The following MSRB3 variants were observed in gnomAD, a reference collection of about 807,000 sequenced individuals.
The protein encoded by MSRB3 is methionine-R-sulfoxide reductase B3.
Under a neutral mutation model 21.0 loss-of-function variants are expected in MSRB3, and 13 were observed. The ratio of observed to expected loss-of-function variants is 0.62; its 90% confidence interval spans 0.40 to 0.98. The LOEUF is 0.98. MSRB3 is among the 50% of genes least tolerant of loss of function. The pLI is 0.00. For missense variants in MSRB3, 199 were observed against 230.3 expected (o/e 0.86, Z 0.88); for synonymous variants, 87 against 88.6 (o/e 0.98, Z 0.10).
chr12:65,308,834 A>G (rs891990652), intron 2 of MSRB3, 179 bp downstream of exon 2: 3 of 772,952 alleles, frequency 3.9e-6, no homozygotes, highest in African/African-American at 1.7e-5. Flanking sequence ...CATTTCCACA[A>G]TCCTTACAAC....
chr12:65,292,602 G>A (rs923268470), intron 1 of MSRB3, among the ~76,000 whole-genome samples: 3 of 151,910 alleles, frequency 2.0e-5, no homozygotes, highest in Non-Finnish European at 4.4e-5. Flanking sequence ...TTCTCATTTA[G>A]TACACTTTCT....
At chr12:65,357,475 T>A (rs1359396709) in intron 4 of MSRB3, among the ~76,000 whole-genome samples, 1 of 152,046 alleles carries the variant, frequency 6.6e-6, no homozygotes, top group Non-Finnish European at 1.5e-5. Context: ...CCTATTAACA[T>A]CTTACATTAG....
At chr12:65,325,315 A>G (rs1312731469) in intron 2 of MSRB3, among the ~76,000 whole-genome samples, 1 of 152,224 alleles carries the variant, frequency 6.6e-6, no homozygotes, top group Non-Finnish European at 1.5e-5. Flanking sequence ...AGAGATCAAC[A>G]TGCCATTAGT....
intron 4 of MSRB3, among the ~76,000 whole-genome samples, chr12:65,348,369 G>T (rs575354281): frequency 1.1e-4 from 17 of 152,286 alleles, no homozygotes; most frequent in African/African-American, 3.4e-4. Context: ...TAGTTTATTT[G>T]CATAGAGGTG....
At position 65,335,114 on chromosome 12, in the gene MSRB3, G is replaced by A. The variant is rs144417019; in HGVS notation, c.263+6511G>A. Among the ~76,000 whole-genome samples the A allele has an allele frequency of 5.0e-3, 765 of 152,254 alleles. 4 individuals carry two copies. The highest frequency in any genetic ancestry group is 0.017 in the African/African-American group (686 of 41,552). Reference sequence around the variant, plus strand: ...ATGTGTGATCTCAGATTCATCACCTGTAAAATGGGGTAAATAACACCAAAC... The same window carrying A: ...ATGTGTGATCTCAGATTCATCACCTATAAAATGGGGTAAATAACACCAAAC... On this transcript the variant is annotated intron_variant, in intron 4 of 6. Coordinates refer to ENST00000308259, the MANE Select transcript of MSRB3 (RefSeq NM_001031679.3).
rs1050256294 is a variant in MSRB3 at position 65,278,993 on chromosome 12, G to A, written c.-52+128G>A. ...GCTGCGCCCCCTCGGCCACCTGCGG[G>A]GACAGCCCCTGCCTCAGCCGAGAAG... On this transcript the variant is annotated intron_variant, in intron 1 of 6. Transcript: ENST00000308259. 19 of 1,488,474 alleles carry A rather than the reference G, an allele frequency of 1.3e-5. No homozygotes were observed. The African/African-American group carries it at 1.8e-4, about 14-fold the overall frequency. The allele number at this position is 1,488,474 out of a possible 1,614,324, so 92.2% of individuals were successfully genotyped here.
chr12:65,333,675 A>G (rs1010098027), intron 4 of MSRB3, among the ~76,000 whole-genome samples: 3 of 152,202 alleles, frequency 2.0e-5, no homozygotes, highest in Non-Finnish European at 4.4e-5. Flanking sequence ...ATAAAGCCCT[A>G]TCTGATCCTT....
intron 5 of MSRB3, among the ~76,000 whole-genome samples, chr12:65,393,835 G>C (rs934997617): frequency 2.0e-5 from 3 of 151,824 alleles, no homozygotes; most frequent in African/African-American, 7.2e-5. Context: ...TTGATGTGTG[G>C]GTATGGATGT....
intron 5 of MSRB3, among the ~76,000 whole-genome samples, chr12:65,396,258 A>T (rs1228889293): frequency 1.3e-5 from 2 of 152,176 alleles, no homozygotes; most frequent in Non-Finnish European, 2.9e-5. Flanking sequence ...TCTTTGATCC[A>T]TGTGCCATTT....
At chr12:65,372,537 C>G (rs1213831503) in intron 5 of MSRB3, among the ~76,000 whole-genome samples, 2 of 152,100 alleles carry the variant, frequency 1.3e-5, no homozygotes, top group Admixed American at 6.5e-5. Context: ...GTTGGCTTGC[C>G]TAGGATTGTG....
intron 5 of MSRB3, among the ~76,000 whole-genome samples, chr12:65,402,127 CT>C (rs1363502668): frequency 6.6e-6 from 1 of 152,208 alleles, no homozygotes; most frequent in East Asian, 1.9e-4. Flanking sequence ...TTGTGGTGTT[CT>C]CTGTATTTCC....
chr12:65,458,682 C>G (rs752919939), intron 6 of MSRB3, among the ~76,000 whole-genome samples: 1 of 152,186 alleles, frequency 6.6e-6, no homozygotes, highest in Non-Finnish European at 1.5e-5. Flanking sequence ...ATTCCACCTA[C>G]TGAATTGAGG....
chr12:65,372,459 G>A (rs527319262), intron 5 of MSRB3, among the ~76,000 whole-genome samples: 35 of 152,336 alleles, frequency 2.3e-4, no homozygotes, highest in African/African-American at 7.9e-4. Context: ...AGAACAGTCA[G>A]CTTACCTTCT....
chr12:65,357,750 G>A (rs1485178983), intron 4 of MSRB3, among the ~76,000 whole-genome samples: 1 of 151,864 alleles, frequency 6.6e-6, no homozygotes, highest in Non-Finnish European at 1.5e-5. Flanking sequence ...GCCGGAATTT[G>A]TCTGGTATTT....
intron 6 of MSRB3, among the ~76,000 whole-genome samples, chr12:65,459,868 CA>C (rs1457614650): frequency 1.3e-5 from 2 of 152,136 alleles, no homozygotes; most frequent in East Asian, 3.9e-4. Flanking sequence ...ACTTGATGCT[CA>C]AACACTTATT....
intron 1 of MSRB3, among the ~76,000 whole-genome samples, chr12:65,290,551 C>T (rs562461565): frequency 2.2e-4 from 33 of 152,286 alleles, no homozygotes; most frequent in African/African-American, 7.2e-4. Flanking sequence ...TTTTGTTCTA[C>T]AGGTCTTTTA....
intron 5 of MSRB3, among the ~76,000 whole-genome samples, chr12:65,397,092 G>T (rs1163524306): frequency 6.6e-6 from 1 of 152,100 alleles, no homozygotes; most frequent in Non-Finnish European, 1.5e-5. Flanking sequence ...TTGGAGCATT[G>T]ACCCCTTTAT....
chr12:65,430,950 C>G (rs1042922468), intron 5 of MSRB3, among the ~76,000 whole-genome samples: 6 of 152,070 alleles, frequency 3.9e-5, no homozygotes, highest in African/African-American at 1.4e-4. Flanking sequence ...GAAATGAATA[C>G]AAGTTCAAGT....
intron 4 of MSRB3, among the ~76,000 whole-genome samples, chr12:65,359,586 G>A (rs1442141969): frequency 1.3e-5 from 2 of 152,020 alleles, no homozygotes; most frequent in Non-Finnish European, 2.9e-5. Flanking sequence ...TAAATGCATT[G>A]GAAATTGTCA....
Sources: allele counts gnomAD v4.1 joint callset (sites outside exome capture counted in the v4.1 genomes callset), GRCh38; gene constraint gnomAD v4.1.1; transcripts MANE v1.5; gene names NCBI Gene and HGNC (gene_info 2026-07-23, HGNC 2026-07-21).